Variants in ARHGEF10 observed in about 807,000 individuals in gnomAD.
The protein encoded by ARHGEF10 is Rho guanine nucleotide exchange factor (GEF) 10.
Under a neutral mutation model 147.4 loss-of-function variants are expected in ARHGEF10, and 140 were observed. That is an observed-to-expected ratio of 0.95 (90% CI 0.83 to 1.09). The LOEUF (loss-of-function observed/expected upper bound fraction) is 1.09, where lower values mean the gene tolerates loss of function less well. ARHGEF10 is among the 50% of genes least tolerant of loss of function. The pLI, the probability that ARHGEF10 is intolerant of heterozygous loss-of-function variation, is 0.00. For synonymous variants in ARHGEF10, 902 were observed against 695.8 expected (o/e 1.30, Z -4.67); for missense variants, 2,222 against 1,752.7 (o/e 1.27, Z -4.78).
At chr8:1,932,826 A>G (rs1329114584) in intron 25 of ARHGEF10, among the ~76,000 whole-genome samples, 8 of 152,230 alleles carry the variant, frequency 5.3e-5, no homozygotes, top group Admixed American at 5.2e-4. Flanking sequence ...AAGAGATAAG[A>G]ACTGAGGCCG....
intron 26 of ARHGEF10, among the ~76,000 whole-genome samples, chr8:1,942,849 T>C (rs1187847302): frequency 6.8e-6 from 1 of 147,134 alleles, no homozygotes; most frequent in Non-Finnish European, 1.5e-5. Flanking sequence ...CCGAACATTG[T>C]AGGATTTTGT....
intron 15 of ARHGEF10, among the ~76,000 whole-genome samples, chr8:1,900,658 A>C (rs1164371401): frequency 6.6e-6 from 1 of 152,200 alleles, no homozygotes; most frequent in African/African-American, 2.4e-5. Flanking sequence ...TCTTTTTTGA[A>C]AACATACTTC....
chr8:1,950,735 T>G (rs1430187869), intron 27 of ARHGEF10, among the ~76,000 whole-genome samples: 2 of 144,548 alleles, frequency 1.4e-5, no homozygotes. Context: ...TTTAGGTTTT[T>G]TTTTTTTTTT....
rs1318454892 is a variant in ARHGEF10, at chr8:1,831,439, T to C, written c.-48+7326T>C. Among the ~76,000 whole-genome samples, 2 of 130,922 alleles carry C rather than the reference T, an allele frequency of 1.5e-5. 1 individual carries two copies. The highest frequency in any genetic ancestry group is 3.3e-5 in the Non-Finnish European group (2 of 61,044). The allele number at this position is 130,922 out of a possible 152,430, so 85.9% of individuals were successfully genotyped here. Reference sequence around the variant, plus strand: ...CTGTGGAGAGACAGTGTGACATCTGTGGAGGGACAGTGTGACGGCCGTGGA... The same window carrying C: ...CTGTGGAGAGACAGTGTGACATCTGCGGAGGGACAGTGTGACGGCCGTGGA... On this transcript the variant is annotated intron_variant, in intron 1 of 28. Coordinates refer to ENST00000349830, the MANE Select transcript of ARHGEF10 (RefSeq NM_014629.4).
At chr8:1,878,278 T>C (rs920009943) in intron 8 of ARHGEF10, among the ~76,000 whole-genome samples, 1 of 152,044 alleles carries the variant, frequency 6.6e-6, no homozygotes, top group Admixed American at 6.6e-5. Context: ...CAACCTCCAC[T>C]TCCCAGATTC....
chr8:1,835,035 T>C (rs1428672114), intron 1 of ARHGEF10, among the ~76,000 whole-genome samples: 1 of 152,224 alleles, frequency 6.6e-6, no homozygotes, highest in Non-Finnish European at 1.5e-5. Context: ...TGAGCTCGGC[T>C]CGGTCGGGGA....
intron 18 of ARHGEF10, among the ~76,000 whole-genome samples, chr8:1,918,339 C>T (rs138665898): frequency 0.014 from 2,078 of 152,148 alleles, 15 homozygotes; most frequent in South Asian, 0.029. Flanking sequence ...AGACATAAAA[C>T]GTCAGCACAT....
At chr8:1,856,146 C>G (rs1381304340) in intron 2 of ARHGEF10, among the ~76,000 whole-genome samples, 1 of 152,198 alleles carries the variant, frequency 6.6e-6, no homozygotes, top group East Asian at 1.9e-4. Context: ...GCTTTGGTAT[C>G]TGGGCAGAGC....
In ARHGEF10 at chr8:1,832,973, CAGAG is replaced by C. The variant is rs201035049; in HGVS notation, c.-48+8866_-48+8869del. On this transcript the variant is annotated intron_variant, in intron 1 of 28. Coordinates refer to ENST00000349830, the MANE Select transcript of ARHGEF10 (RefSeq NM_014629.4). ...ACAGAGGCAGAGGCAGATACAGAGGCAGAGAGAGACAGAGACAGAGGCAGAGACA... is the reference window on the plus strand; with the variant it reads ...ACAGAGGCAGAGGCAGATACAGAGGCAGAGACAGAGACAGAGGCAGAGACA... Among the ~76,000 whole-genome samples the C allele has an allele frequency of 7.3e-4, 28 of 38,570 alleles. 2 individuals carry two copies. Among genetic ancestry groups the C allele is most frequent in the East Asian group, 1.3e-3 (2 of 1,514 alleles). 25.3% of individuals were successfully genotyped at this position (38,570 alleles called of 152,430 possible). A position where few individuals can be genotyped will look rare whatever the true frequency, so the allele number is the denominator to read the frequency against.
At chr8:1,951,173 C>T (rs1339186184) in intron 27 of ARHGEF10, among the ~76,000 whole-genome samples, 1 of 152,246 alleles carries the variant, frequency 6.6e-6, no homozygotes, top group East Asian at 1.9e-4. Context: ...AGTCAAACTG[C>T]TGCTCTAGAA....
intron 23 of ARHGEF10, 55 bp downstream of exon 23, chr8:1,926,518 G>C: frequency 6.6e-7 from 1 of 1,526,552 alleles, no homozygotes; most frequent in Non-Finnish European, 9.1e-7. Flanking sequence ...AACGTTCATG[G>C]TCGGTGTGAT....
intron 18 of ARHGEF10, among the ~76,000 whole-genome samples, chr8:1,912,884 G>T (rs930034368): frequency 6.6e-6 from 1 of 152,212 alleles, no homozygotes; most frequent in African/African-American, 2.4e-5. Context: ...GGAGGAGGAA[G>T]ATCGAGCGTG....
chr8:1,932,333 G>T (rs1318266398), intron 25 of ARHGEF10, among the ~76,000 whole-genome samples: 2 of 152,246 alleles, frequency 1.3e-5, no homozygotes. Context: ...ACACGTGATT[G>T]TGAGGGCGTA....
chr8:1,918,967 C>CGGAGCTGTTCTGTGGGTGAT (rs1390315059), intron 18 of ARHGEF10, among the ~76,000 whole-genome samples: 2 of 120,236 alleles, frequency 1.7e-5, no homozygotes, highest in Non-Finnish European at 3.5e-5. Flanking sequence ...CTGTGGGTGA[C>CGGAGCTGTTCTGTGGGTGAT]GGAGCTGTTC....
intron 3 of ARHGEF10, 24 bp downstream of exon 3, chr8:1,858,139 G>C (rs1805727899): frequency 6.2e-7 from 1 of 1,602,604 alleles, no homozygotes; most frequent in East Asian, 2.2e-5. Flanking sequence ...AGGGTCCCCA[G>C]GTGAGTCCCC....
rs148544902 is a variant in ARHGEF10 at position 1,859,690 on chromosome 8, T to C, written c.194-207T>C. Among the ~76,000 whole-genome samples the C allele has an allele frequency of 7.0e-3, 1,064 of 152,336 alleles. 11 individuals carry two copies. The highest frequency in any genetic ancestry group is 0.024 in the African/African-American group (989 of 41,586). On this transcript the variant is annotated intron_variant, in intron 3 of 28. Transcript: ENST00000349830. Reference sequence around the variant, plus strand: ...AGCCTCCTGTAGTGACCAGGCTGCATCCGTCTCACCTGTGCCCAGAGGTGA... The same window carrying C: ...AGCCTCCTGTAGTGACCAGGCTGCACCCGTCTCACCTGTGCCCAGAGGTGA...
chr8:1,917,684 A>C (rs767030449), intron 18 of ARHGEF10, among the ~76,000 whole-genome samples: 1 of 152,236 alleles, frequency 6.6e-6, no homozygotes, highest in Non-Finnish European at 1.5e-5. Context: ...TCGCTCACAG[A>C]ACTGAAAACT....
chr8:1,872,624 C>T (rs1807223020), intron 7 of ARHGEF10, among the ~76,000 whole-genome samples: 1 of 152,198 alleles, frequency 6.6e-6, no homozygotes, highest in Non-Finnish European at 1.5e-5. Context: ...AACCCATATG[C>T]TTATCTCAGC....
chr8:1,869,060 T>TA (rs970851183), intron 6 of ARHGEF10, 134 bp from the exon 7 acceptor site: 7,762 of 683,534 alleles, frequency 0.011, no homozygotes, highest in East Asian at 0.019. Context: ...AAGTAAAAAA[T>TA]AAAAAAAAAA....
Sources: gnomAD v4.1 joint callset for allele counts (sites outside exome capture counted in the v4.1 genomes callset) on GRCh38, gnomAD v4.1.1 for gene constraint, MANE v1.5 for transcripts, NCBI Gene and HGNC (gene_info 2026-07-23, HGNC 2026-07-21) for gene names.